SRPK2: variants seen among roughly 807,000 people sequenced by gnomAD.
The protein encoded by SRPK2 is SFRS protein kinase 2.
SRPK2 carries 21 observed loss-of-function variants against 90.8 expected under a neutral mutation model. The observed-to-expected ratio is 0.23, with a 90% CI of 0.16 to 0.33. The LOEUF (loss-of-function observed/expected upper bound fraction) is 0.33, where lower values mean the gene tolerates loss of function less well. Among genes scored for constraint, SRPK2 ranks in the 10% least tolerant of loss-of-function variants. The probability of loss-of-function intolerance (pLI) is 1.00; values close to 1 mark genes in which losing one functional copy is unlikely to be tolerated. For synonymous variants in SRPK2, 288 were observed against 311.1 expected, an observed-to-expected ratio of 0.93 and a Z score of 0.78; for missense variants, 620 against 869.0, an observed-to-expected ratio of 0.71 and a Z score of 3.60.
At chr7:105,170,912 A>AAAGAAAGG (rs1563026031) in intron 3 of SRPK2, among the ~76,000 whole-genome samples, 11 of 123,566 alleles carry the variant, frequency 8.9e-5, no homozygotes, top group African/African-American at 3.3e-4. Context: ...AGAAAGAAAG[A>AAAGAAAGG]AAGGAGAAAG....
chr7:105,258,684 C>T (rs1344429220), intron 2 of SRPK2, among the ~76,000 whole-genome samples: 1 of 152,132 alleles, frequency 6.6e-6, no homozygotes, highest in Non-Finnish European at 1.5e-5. Context: ...AGCTTATCCA[C>T]CACAATCAAC....
At chr7:105,209,924 A>G (rs1796653086) in intron 2 of SRPK2, among the ~76,000 whole-genome samples, 1 of 152,190 alleles carries the variant, frequency 6.6e-6, no homozygotes, top group African/African-American at 2.4e-5. Context: ...AAACTTAAAA[A>G]TATTTTTCTT....
At chr7:105,290,882 CA>C (rs1265636106) in intron 2 of SRPK2, among the ~76,000 whole-genome samples, 3 of 144,968 alleles carry the variant, frequency 2.1e-5, no homozygotes, top group African/African-American at 7.6e-5. Flanking sequence ...ACTAAAAATA[CA>C]AAAAATTGGC....
intron 2 of SRPK2, among the ~76,000 whole-genome samples, chr7:105,303,429 T>C (rs987427697): frequency 6.6e-6 from 1 of 151,994 alleles, no homozygotes; most frequent in African/African-American, 2.4e-5. Flanking sequence ...AACCTGCACG[T>C]TGTGCACATG....
intron 2 of SRPK2, among the ~76,000 whole-genome samples, chr7:105,252,625 C>G (rs963213844): frequency 1.1e-4 from 17 of 152,148 alleles, no homozygotes; most frequent in African/African-American, 4.1e-4. Context: ...TTAGGCAGCA[C>G]TGGCCTAAGT....
intron 11 of SRPK2, among the ~76,000 whole-genome samples, chr7:105,140,913 A>G: frequency 6.6e-6 from 1 of 152,260 alleles, no homozygotes; most frequent in East Asian, 1.9e-4. Context: ...GTGAGCCGAG[A>G]TCGCGCCACT....
chr7:105,331,041 C>T (rs1440416048), intron 2 of SRPK2, among the ~76,000 whole-genome samples: 1 of 151,886 alleles, frequency 6.6e-6, no homozygotes, highest in African/African-American at 2.4e-5. Flanking sequence ...ATGGCTCACG[C>T]CTATAATCCC....
intron 7 of SRPK2, among the ~76,000 whole-genome samples, chr7:105,159,466 A>ACAAAAAAC (rs1554428673): frequency 8.8e-6 from 1 of 114,230 alleles, no homozygotes; most frequent in Non-Finnish European, 1.8e-5. Flanking sequence ...AAAAAAAAAA[A>ACAAAAAAC]AAAAAAACCG....
chr7:105,274,366 G>C (rs972452525), intron 2 of SRPK2, among the ~76,000 whole-genome samples: 8 of 151,928 alleles, frequency 5.3e-5, no homozygotes, highest in East Asian at 1.9e-4. Context: ...GTTCAAGACC[G>C]GCCTGGCCAA....
In SRPK2 at chr7:105,119,322, C is replaced by T. The variant is rs1443209821; in HGVS notation, c.1916-1300G>A. ...TTTATTCGAGTCAACTTGGAAAAGC[C>T]CTCCCGTTTAAAAACACAATGAAAA... On this transcript the variant is annotated intron_variant, in intron 15 of 15. Transcript: ENST00000393651. 2.0e-5 allele frequency among the ~76,000 whole-genome samples: 3 copies of T among 152,040 alleles called. No individual in the cohort carries two copies. In the East Asian group the frequency reaches 5.8e-4, roughly 29 times the overall value.
Position 105,303,995 on chromosome 7 carries a change from ATTACG to A in SRPK2, c.71+84648_71+84652del, listed in dbSNP as rs1810879914. Among the ~76,000 whole-genome samples the A allele has an allele frequency of 2.0e-5, 3 of 152,244 alleles. No homozygotes were observed. The South Asian group carries it at 6.2e-4, about 31-fold the overall frequency. On this transcript the variant is annotated intron_variant, in intron 2 of 15. Coordinates refer to ENST00000393651, the MANE Select transcript of SRPK2 (RefSeq NM_182692.3). ...GGTAGAGTTGACTTCAAAAGTTTTCATTACGACCTGAAAACATGAAATTTGCAATG... is the reference window on the plus strand; with the variant it reads ...GGTAGAGTTGACTTCAAAAGTTTTCAACCTGAAAACATGAAATTTGCAATG...
chr7:105,203,804 A>C lies in SRPK2; in HGVS notation c.72-19T>G. On this transcript the variant is annotated intron_variant, in intron 2 of 15. Coordinates refer to ENST00000393651, the MANE Select transcript of SRPK2 (RefSeq NM_182692.3). ...CTCCGGCCTGAAAGAGCAGAGAGAA[A>C]ATTGCTATTTACTTAGAAGTACATC... 6.4e-7 allele frequency: 1 copy of C among 1,557,182 alleles called. No homozygotes were observed. The highest frequency in any genetic ancestry group is 8.7e-7 in the Non-Finnish European group (1 of 1,150,192).
At chr7:105,222,972 T>G (rs1013981232) in intron 2 of SRPK2, among the ~76,000 whole-genome samples, 1 of 152,226 alleles carries the variant, frequency 6.6e-6, no homozygotes, top group African/African-American at 2.4e-5. Flanking sequence ...TCTTTTAAGT[T>G]TTAATTTTCT....
intron 2 of SRPK2, among the ~76,000 whole-genome samples, chr7:105,251,346 C>T (rs554756751): frequency 1.7e-4 from 26 of 152,152 alleles, no homozygotes; most frequent in Non-Finnish European, 3.4e-4. Flanking sequence ...CTGATGAATA[C>T]TCAGTAAGAA....
chr7:105,390,742 G>A (rs192301178), upstream of SRPK2, among the ~76,000 whole-genome samples: 4 of 150,658 alleles, frequency 2.7e-5, no homozygotes, highest in East Asian at 2.0e-4. Flanking sequence ...CCTGAGCCTC[G>A]GCACCCAGCC....
At chr7:105,289,022 C>T (rs766294150) in intron 2 of SRPK2, among the ~76,000 whole-genome samples, 8 of 148,514 alleles carry the variant, frequency 5.4e-5, no homozygotes, top group East Asian at 2.0e-4. Flanking sequence ...TTTGGGAAGC[C>T]GAGGCAGGCA....
intron 2 of SRPK2, among the ~76,000 whole-genome samples, chr7:105,237,436 A>C (rs920556053): frequency 6.6e-6 from 1 of 152,232 alleles, no homozygotes; most frequent in Non-Finnish European, 1.5e-5. Context: ...AAGAATGTGC[A>C]GATATTCTAG....
At chr7:105,259,571 T>A (rs1019930952) in intron 2 of SRPK2, among the ~76,000 whole-genome samples, 1 of 152,178 alleles carries the variant, frequency 6.6e-6, no homozygotes, top group African/African-American at 2.4e-5. Flanking sequence ...AGAGCCTGCA[T>A]TGCCAAGAAA....
chr7:105,205,284 C>T (rs1796053207), intron 2 of SRPK2, among the ~76,000 whole-genome samples: 2 of 152,086 alleles, frequency 1.3e-5, no homozygotes, highest in Non-Finnish European at 2.9e-5. Flanking sequence ...CACAATAGGT[C>T]AACTTAAAGG....
Sources: allele counts gnomAD v4.1 joint callset (sites outside exome capture counted in the v4.1 genomes callset), GRCh38; gene constraint gnomAD v4.1.1; transcripts MANE v1.5; gene names NCBI Gene and HGNC (gene_info 2026-07-23, HGNC 2026-07-21).